The following CMIP variants were observed in gnomAD, a reference collection of about 807,000 sequenced individuals.
The protein encoded by CMIP is c-Maf inducing protein.
In CMIP, 13 loss-of-function variants were observed where a neutral mutation model predicts 97.3. That is an observed-to-expected ratio of 0.13 (90% CI 0.09 to 0.21). The LOEUF is 0.21. Ranked by LOEUF, CMIP falls within the 10% of genes least tolerant of loss-of-function variation. The pLI is 1.00. For missense variants in CMIP, 847 were observed against 1,024.9 expected (o/e 0.83, Z 2.37); for synonymous variants, 538 against 436.3 (o/e 1.23, Z -2.91).
At chr16:81,454,956 C>G (rs765358588) in intron 1 of CMIP, among the ~76,000 whole-genome samples, 1 of 152,116 alleles carries the variant, frequency 6.6e-6, no homozygotes, top group Non-Finnish European at 1.5e-5. Flanking sequence ...CAGGCCAGAG[C>G]GGCTGGGCAC....
rs370123766 is a variant in CMIP, at chr16:81,607,562, T to C, written c.301-5T>C. Reference sequence around the variant, plus strand: ...ATATCTCTTCTTTTTCTTTTTTTGCTGCAGCCAACTGGGTACATGGAAAAC... The same window carrying C: ...ATATCTCTTCTTTTTCTTTTTTTGCCGCAGCCAACTGGGTACATGGAAAAC... On this transcript the variant is annotated splice_region_variant and splice_polypyrimidine_tract_variant and intron_variant, in intron 1 of 20. Coordinates refer to ENST00000537098, the MANE Select transcript of CMIP (RefSeq NM_198390.3). 2 of 1,613,434 alleles carry C rather than the reference T, an allele frequency of 1.2e-6. No individual in the cohort carries two copies. Among genetic ancestry groups the C allele is most frequent in the African/African-American group, 2.7e-5 (2 of 74,916 alleles).
intron 7 of CMIP, among the ~76,000 whole-genome samples, chr16:81,669,409 A>G (rs529795479): frequency 2.5e-4 from 20 of 80,830 alleles, no homozygotes; most frequent in Non-Finnish European, 4.1e-4. Flanking sequence ...ACCTCCTTCC[A>G]CACCCACTTC....
chr16:81,577,930 A>G (rs981784516), intron 1 of CMIP, among the ~76,000 whole-genome samples: 22 of 150,886 alleles, frequency 1.5e-4, no homozygotes, highest in Non-Finnish European at 1.3e-4. Flanking sequence ...CATCATCACC[A>G]TCACCTTCAT....
At chr16:81,564,025 C>G (rs2090934369) in intron 1 of CMIP, among the ~76,000 whole-genome samples, 2 of 152,272 alleles carry the variant, frequency 1.3e-5, no homozygotes, top group Non-Finnish European at 2.9e-5. Flanking sequence ...GCCAGCCATT[C>G]TCCCATTTCG....
At chr16:81,687,981 G>A (rs77339085) in intron 10 of CMIP, among the ~76,000 whole-genome samples, 9,440 of 152,332 alleles carry the variant, frequency 0.062, 369 homozygotes, top group East Asian at 0.15. Context: ...GATCCCATGA[G>A]CGAACACAAG....
intron 1 of CMIP, among the ~76,000 whole-genome samples, chr16:81,588,370 C>G (rs772878216): frequency 2.4e-4 from 36 of 152,202 alleles, no homozygotes; most frequent in Non-Finnish European, 2.5e-4. Flanking sequence ...GGAGACTTGT[C>G]CCTTCCAGTT....
chr16:81,532,769 T>C (rs1486498737), intron 1 of CMIP, among the ~76,000 whole-genome samples: 1 of 152,190 alleles, frequency 6.6e-6, no homozygotes. Flanking sequence ...CTCTGTGCCC[T>C]GACTCCAGTG....
chr16:81,653,694 C>A (rs2092453293), intron 4 of CMIP, among the ~76,000 whole-genome samples: 1 of 152,196 alleles, frequency 6.6e-6, no homozygotes, highest in African/African-American at 2.4e-5. Flanking sequence ...CTCACTGCAA[C>A]CTCCGCCTCC....
intron 15 of CMIP, 22 bp from the exon 16 acceptor site, chr16:81,701,638 G>T (rs1226372443): frequency 6.2e-7 from 1 of 1,613,770 alleles, no homozygotes. Flanking sequence ...GGTCCGTAAT[G>T]CACCCCTGCG....
rs138010141 is a variant in CMIP at position 81,582,269 on chromosome 16, A to G, written c.301-25298A>G. On this transcript the variant is annotated intron_variant, in intron 1 of 20. Transcript: ENST00000537098. ...CAAACCATGTCAAGCCTCTTCCCCA[A>G]ATGTTCAGCCCAGTGCCTCCAGGAA... Among the ~76,000 whole-genome samples, 203 of 152,242 alleles carry G rather than the reference A, an allele frequency of 1.3e-3. 2 individuals are homozygous for G. In the East Asian group the frequency reaches 0.026, roughly 19 times the overall value.
chr16:81,558,527 C>T (rs529146784), intron 1 of CMIP, among the ~76,000 whole-genome samples: 1 of 152,198 alleles, frequency 6.6e-6, no homozygotes. Context: ...TGCTCAGTGC[C>T]CTGCCACACA....
intron 1 of CMIP, among the ~76,000 whole-genome samples, chr16:81,587,028 CTACATGAGATGAAATCTG>C (rs1386500258): frequency 1.3e-5 from 2 of 152,210 alleles, no homozygotes; most frequent in Admixed American, 6.5e-5. Context: ...AAAGAACAGG[CTACATGAGATGAAATCTG>C]TGTGGTTGGT....
chr16:81,586,959 T>G (rs943477525), intron 1 of CMIP, among the ~76,000 whole-genome samples: 6 of 152,224 alleles, frequency 3.9e-5, no homozygotes, highest in Non-Finnish European at 7.3e-5. Context: ...GTTCCGGAAT[T>G]CTAGGTATTC....
chr16:81,536,403 C>T (rs889176560), intron 1 of CMIP, among the ~76,000 whole-genome samples: 3 of 152,090 alleles, frequency 2.0e-5, no homozygotes, highest in African/African-American at 7.2e-5. Flanking sequence ...GTCATTAACT[C>T]GGGGGCATTA....
At chr16:81,539,673 C>T (rs1261793952) in intron 1 of CMIP, among the ~76,000 whole-genome samples, 1 of 152,226 alleles carries the variant, frequency 6.6e-6, no homozygotes, top group Non-Finnish European at 1.5e-5. Context: ...GAGCCTCCTC[C>T]CTACCACCTG....
chr16:81,631,588 G>A (rs923171181), intron 3 of CMIP: 3 of 152,214 alleles, frequency 2.0e-5, no homozygotes, highest in African/African-American at 7.2e-5. Flanking sequence ...TATCTAAATG[G>A]ACTCAGACAC....
At chr16:81,582,215 A>C (rs1394612385) in intron 1 of CMIP, among the ~76,000 whole-genome samples, 1 of 152,130 alleles carries the variant, frequency 6.6e-6, no homozygotes, top group Non-Finnish European at 1.5e-5. Context: ...ATTATAATTG[A>C]ACATGAGTCT....
chr16:81,558,652 G>A (rs569831455), intron 1 of CMIP, among the ~76,000 whole-genome samples: 17 of 152,282 alleles, frequency 1.1e-4, no homozygotes, highest in Non-Finnish European at 2.4e-4. Context: ...GGAGGAGGCA[G>A]GCCAGCCAGG....
At chr16:81,594,614 G>C (rs1017944645) in intron 1 of CMIP, among the ~76,000 whole-genome samples, 5 of 151,592 alleles carry the variant, frequency 3.3e-5, no homozygotes, top group African/African-American at 1.2e-4. Context: ...TAAAGTTTTT[G>C]TTTTTGTTTT....
Sources: gnomAD v4.1 joint callset for allele counts (sites outside exome capture counted in the v4.1 genomes callset) on GRCh38, gnomAD v4.1.1 for gene constraint, MANE v1.5 for transcripts, NCBI Gene and HGNC (gene_info 2026-07-23, HGNC 2026-07-21) for gene names.